The following BCAT1 variants were observed in gnomAD, a reference collection of about 807,000 sequenced individuals.
The protein encoded by BCAT1 is branched-chain-amino-acid aminotransferase, cytosolic.
Under a neutral mutation model 52.4 loss-of-function variants are expected in BCAT1, and 48 were observed. The observed-to-expected ratio is 0.92, with a 90% confidence interval of 0.73 to 1.16. The LOEUF is 1.16. Ranked by LOEUF, BCAT1 falls within the 50% of genes most tolerant of loss-of-function variation. The probability of loss-of-function intolerance (pLI) is 0.00; values close to 1 mark genes in which losing one functional copy is unlikely to be tolerated. For missense variants in BCAT1, 451 were observed against 457.1 expected, an observed-to-expected ratio of 0.99 and a Z score of 0.12; for synonymous variants, 167 against 161.3, an observed-to-expected ratio of 1.04 and a Z score of -0.27.
intron 4 of BCAT1, among the ~76,000 whole-genome samples, chr12:24,879,804 A>G (rs1942443721): frequency 6.6e-6 from 1 of 152,258 alleles, no homozygotes. Flanking sequence ...GTACAAAGGC[A>G]CTAATAAACT....
Position 24,815,227 on chromosome 12 carries a change from G to A in BCAT1, c.*2781C>T, listed in dbSNP as rs927958816. 4 of 152,150 alleles carry A rather than the reference G, an allele frequency of 2.6e-5. No homozygotes were observed. The highest frequency in any genetic ancestry group is 5.9e-5 in the Non-Finnish European group (4 of 68,006). 9.4% of individuals were successfully genotyped at this position (152,150 alleles called of 1,614,324 possible). A position where few individuals can be genotyped will look rare whatever the true frequency, so the allele number is the denominator to read the frequency against. On this transcript the variant is annotated 3_prime_UTR_variant, in exon 11 of 11. Coordinates refer to ENST00000261192, the MANE Select transcript of BCAT1 (RefSeq NM_005504.7). ...GTCTGAAATGTAGAAACTGAAAAAA[G>A]TGAAAGGAAGAGAACATGCAATATA... is the stretch of plus-strand genomic sequence containing the variant.
chr12:24,837,116 G>A (rs1941006449), intron 7 of BCAT1, among the ~76,000 whole-genome samples: 2 of 130,116 alleles, frequency 1.5e-5, no homozygotes, highest in African/African-American at 5.3e-5. Flanking sequence ...AGAAAGAGAA[G>A]GAAGGGAGGA....
intron 2 of BCAT1, among the ~76,000 whole-genome samples, chr12:24,901,543 G>A (rs1943103880): frequency 1.3e-5 from 2 of 152,122 alleles, no homozygotes. Flanking sequence ...TAAACAACTA[G>A]TTTAATATTT....
intron 1 of BCAT1, among the ~76,000 whole-genome samples, chr12:24,920,464 T>G (rs1431562033): frequency 2.6e-5 from 4 of 152,216 alleles, no homozygotes; most frequent in Non-Finnish European, 5.9e-5. Flanking sequence ...TTTTTATTTT[T>G]GGGGTAGCAT....
At chr12:24,921,675 G>A (rs557534088) in intron 1 of BCAT1, among the ~76,000 whole-genome samples, 50 of 152,292 alleles carry the variant, frequency 3.3e-4, no homozygotes, top group Non-Finnish European at 6.2e-4. Context: ...CTCCACCCCA[G>A]AGCTGACAAG....
chr12:24,902,204 C>T, intron 1 of BCAT1: 11 of 1,427,698 alleles, frequency 7.7e-6, no homozygotes, highest in South Asian at 3.1e-5. Context: ...ACAATTGTCT[C>T]CCTTATATCC....
At chr12:24,933,894 T>C (rs1591888090) in intron 1 of BCAT1, among the ~76,000 whole-genome samples, 1 of 152,062 alleles carries the variant, frequency 6.6e-6, no homozygotes, top group Non-Finnish European at 1.5e-5. Flanking sequence ...TTCAATCAGG[T>C]ATGATGTTCA....
intron 5 of BCAT1, among the ~76,000 whole-genome samples, chr12:24,850,172 G>C (rs1238499355): frequency 2.6e-5 from 4 of 152,142 alleles, no homozygotes; most frequent in Non-Finnish European, 5.9e-5. Context: ...GAGTTGTTAG[G>C]ATTTTAGCAA....
At chr12:24,920,001 C>A (rs1943479124) in intron 1 of BCAT1, among the ~76,000 whole-genome samples, 1 of 152,178 alleles carries the variant, frequency 6.6e-6, no homozygotes, top group Non-Finnish European at 1.5e-5. Flanking sequence ...GTCCATTAAA[C>A]CTCTTTTTCT....
chr12:24,944,536 G>A (rs1187660851), intron 1 of BCAT1, among the ~76,000 whole-genome samples: 1 of 152,148 alleles, frequency 6.6e-6, no homozygotes, highest in African/African-American at 2.4e-5. Flanking sequence ...CAACTTCTAT[G>A]GAGTCAAATA....
chr12:24,937,832 T>C (rs921151033), intron 1 of BCAT1, among the ~76,000 whole-genome samples: 1 of 152,186 alleles, frequency 6.6e-6, no homozygotes, highest in African/African-American at 2.4e-5. Context: ...GGCACATGGT[T>C]GTTAAAATAG....
At chr12:24,875,354 C>T (rs2139577202) in intron 5 of BCAT1, among the ~76,000 whole-genome samples, 2 of 152,232 alleles carry the variant, frequency 1.3e-5, no homozygotes, top group Middle Eastern at 3.4e-3. Context: ...TCTGCCTATA[C>T]CATTAATTAG....
At chr12:24,923,762 A>C (rs554417662) in intron 1 of BCAT1, among the ~76,000 whole-genome samples, 1 of 152,256 alleles carries the variant, frequency 6.6e-6, no homozygotes, top group East Asian at 1.9e-4. Context: ...GAGTATCAAG[A>C]AGATTGATTG....
Position 24,832,743 on chromosome 12 carries a change from C to T in BCAT1, c.1024G>A (p.Asp342Asn). ...GTACVVCPVS[D>N]ILYKGETIHI... ...CGTACCTCGCCTTTGTACAGTATATCAGAAACTGGGCAAACAACACAGGCT... is the reference window on the plus strand; with the variant it reads ...CGTACCTCGCCTTTGTACAGTATATTAGAAACTGGGCAAACAACACAGGCT... Residue 342 changes from aspartate to asparagine, a missense_variant, in exon 9 of 11, where the codon GAT becomes AAT. Transcript: ENST00000261192. The T allele has an allele frequency of 6.2e-7, 1 of 1,610,986 alleles. No homozygotes were observed. The highest frequency in any genetic ancestry group is 8.5e-7 in the Non-Finnish European group (1 of 1,178,508).
rs772629541 is a variant in BCAT1 at position 24,818,013 on chromosome 12, A to G, written c.1156T>C (p.Ser386Pro). 1 of 1,613,092 alleles carries G rather than the reference A, an allele frequency of 6.2e-7. No homozygotes were observed. The highest frequency in any genetic ancestry group is 8.5e-7 in the Non-Finnish European group (1 of 1,179,356). Residue 386 changes from serine to proline, a missense_variant, in exon 11 of 11, where the codon TCC (serine) becomes CCC (proline). Physicochemically the swap from Ser to Pro is moderately conservative, Grantham distance 74 (BLOSUM62 -1). Coordinates refer to ENST00000261192, the MANE Select transcript of BCAT1 (RefSeq NM_005504.7). ...TTGTATCCTCTATTTTCCATTCAGGATAGCACAATTGTCCAGTCGCTCTCT... is the reference window on the plus strand; with the variant it reads ...TTGTATCCTCTATTTTCCATTCAGGGTAGCACAATTGTCCAGTCGCTCTCT... Reference protein sequence around the residue: ...REESDWTIVLS With the variant: ...REESDWTIVLP
At chr12:24,868,399 A>C (rs966256866) in intron 5 of BCAT1, among the ~76,000 whole-genome samples, 2 of 152,244 alleles carry the variant, frequency 1.3e-5, no homozygotes, top group Admixed American at 6.5e-5. Context: ...TTTAAGTGCA[A>C]AAAACAATAA....
intron 10 of BCAT1, among the ~76,000 whole-genome samples, chr12:24,818,932 G>A (rs1362168303): frequency 6.6e-6 from 1 of 152,142 alleles, no homozygotes; most frequent in African/African-American, 2.4e-5. Context: ...CACTCTGTGA[G>A]CAATTAATGT....
chr12:24,944,813 G>C (rs1334988170), intron 1 of BCAT1, among the ~76,000 whole-genome samples: 1 of 152,164 alleles, frequency 6.6e-6, no homozygotes, highest in Admixed American at 6.5e-5. Flanking sequence ...TTTTCAGTAT[G>C]ACTTCAGTTT....
At chr12:24,830,140 C>A in intron 9 of BCAT1, 1 of 362,322 alleles carries the variant, frequency 2.8e-6, no homozygotes, top group Non-Finnish European at 4.9e-6. Flanking sequence ...TAGGGCATAA[C>A]TGGTTTGTAT....
Sources: allele counts gnomAD v4.1 joint callset (sites outside exome capture counted in the v4.1 genomes callset), GRCh38; gene constraint gnomAD v4.1.1; transcripts MANE v1.5; gene names NCBI Gene and HGNC (gene_info 2026-07-23, HGNC 2026-07-21).